The following GMDS variants were observed in gnomAD, a reference collection of about 807,000 sequenced individuals.
GMDS encodes GDP-mannose 4,6 dehydratase.
In GMDS, 20 loss-of-function variants were observed where a neutral mutation model predicts 49.9. The ratio of observed to expected loss-of-function variants is 0.40; its 90% CI spans 0.28 to 0.58. The LOEUF is 0.58. GMDS is among the 20% of genes least tolerant of loss of function. GMDS has a pLI of 0.42. For synonymous variants in GMDS, 177 were observed against 178.6 expected, an observed-to-expected ratio of 0.99 and a Z score of 0.07; for missense variants, 362 against 481.4, an observed-to-expected ratio of 0.75 and a Z score of 2.32.
At chr6:1,657,190 C>A (rs564905865) in intron 9 of GMDS, among the ~76,000 whole-genome samples, 1 of 152,356 alleles carries the variant, frequency 6.6e-6, no homozygotes, top group African/African-American at 2.4e-5. Flanking sequence ...TACTGACAAG[C>A]ATGAAGTCCC....
chr6:1,911,548 C>T lies in GMDS; in HGVS notation c.771+18555G>A, dbSNP rs145818287. Among the ~76,000 whole-genome samples the T allele has an allele frequency of 2.7e-3, 401 of 149,296 alleles. 4 individuals are homozygous for T. The highest frequency in any genetic ancestry group is 9.3e-3 in the African/African-American group (377 of 40,410). ...TAATTTCCTTGTGCCTGTTCTTTCC[C>T]CTATTAAAAAAAAAAAAAGCCGTGG... On this transcript the variant is annotated intron_variant, in intron 7 of 10. Transcript: ENST00000380815.
intron 7 of GMDS, among the ~76,000 whole-genome samples, chr6:1,748,256 C>T (rs532239609): frequency 2.0e-5 from 3 of 152,228 alleles, no homozygotes; most frequent in East Asian, 3.9e-4. Flanking sequence ...TTTCAATTTG[C>T]AGATTCTAGT....
chr6:2,155,005 A>G (rs1562103616), intron 1 of GMDS, among the ~76,000 whole-genome samples: 3 of 152,118 alleles, frequency 2.0e-5, no homozygotes, highest in Non-Finnish European at 2.9e-5. Context: ...TTCAACCTTT[A>G]AAGAGGCTGA....
chr6:2,196,892 G>A (rs1779294621), intron 1 of GMDS, among the ~76,000 whole-genome samples: 1 of 152,140 alleles, frequency 6.6e-6, no homozygotes, highest in South Asian at 2.1e-4. Flanking sequence ...CCTAACAGCT[G>A]GAGTGCATTA....
At chr6:1,891,805 T>G (rs9392342) in intron 7 of GMDS, among the ~76,000 whole-genome samples, 1 of 152,008 alleles carries the variant, frequency 6.6e-6, no homozygotes, top group Admixed American at 6.5e-5. Flanking sequence ...GTCATTCCTA[T>G]GCACACTAGA....
chr6:1,786,107 G>A (rs1273591834), intron 7 of GMDS, among the ~76,000 whole-genome samples: 1 of 152,228 alleles, frequency 6.6e-6, no homozygotes, highest in African/African-American at 2.4e-5. Flanking sequence ...ATTTGGAGAC[G>A]GTGAAGGTCT....
chr6:1,706,581 C>A (rs139825084), intron 9 of GMDS, among the ~76,000 whole-genome samples: 1 of 152,182 alleles, frequency 6.6e-6, no homozygotes, highest in South Asian at 2.1e-4. Context: ...CACAAACCAG[C>A]GGAGGAGAAC....
chr6:1,940,189 G>GCATACATA (rs936836201), intron 6 of GMDS, among the ~76,000 whole-genome samples: 1 of 152,164 alleles, frequency 6.6e-6, no homozygotes, highest in Non-Finnish European at 1.5e-5. Flanking sequence ...ATGCATGCAT[G>GCATACATA]CATACATACA....
At chr6:1,994,156 T>C (rs909633624) in intron 4 of GMDS, among the ~76,000 whole-genome samples, 1 of 152,258 alleles carries the variant, frequency 6.6e-6, no homozygotes, top group Non-Finnish European at 1.5e-5. Flanking sequence ...TACTTAGATG[T>C]GGCTCCCAAG....
chr6:1,658,676 A>C (rs6934205), intron 9 of GMDS, among the ~76,000 whole-genome samples: 19,672 of 152,334 alleles, frequency 0.13, 1,708 homozygotes, highest in Non-Finnish European at 0.18. Flanking sequence ...ATTTGGAATT[A>C]TTTGTCTCAA....
intron 1 of GMDS, among the ~76,000 whole-genome samples, chr6:2,236,756 A>G (rs1233123466): frequency 6.6e-6 from 1 of 152,252 alleles, no homozygotes; most frequent in Non-Finnish European, 1.5e-5. Flanking sequence ...AAGATTTCTA[A>G]AAGTGCCAAT....
chr6:2,231,077 C>G (rs1781085440), intron 1 of GMDS, among the ~76,000 whole-genome samples: 2 of 151,666 alleles, frequency 1.3e-5, no homozygotes, highest in Non-Finnish European at 2.9e-5. Flanking sequence ...TGTCACCACC[C>G]AGAAGGTCCC....
intron 7 of GMDS, among the ~76,000 whole-genome samples, chr6:1,848,496 C>G (rs1321706666): frequency 6.6e-6 from 1 of 152,202 alleles, no homozygotes; most frequent in Non-Finnish European, 1.5e-5. Flanking sequence ...ATTGACTACT[C>G]TCTGTCTTGG....
chr6:1,740,331 C>A (rs1310962801), intron 8 of GMDS, among the ~76,000 whole-genome samples: 1 of 151,898 alleles, frequency 6.6e-6, no homozygotes, highest in African/African-American at 2.4e-5. Context: ...CCGAGGTGGG[C>A]GGATCACTTG....
chr6:2,054,265 A>G (rs1158520928), intron 4 of GMDS, among the ~76,000 whole-genome samples: 1 of 152,118 alleles, frequency 6.6e-6, no homozygotes, highest in African/African-American at 2.4e-5. Flanking sequence ...TAAAAGACCT[A>G]TTTTTAAATT....
Position 2,166,122 on chromosome 6 carries a change from C to A in GMDS, c.103-41391G>T, listed in dbSNP as rs546389055. On this transcript the variant is annotated intron_variant, in intron 1 of 10. Coordinates refer to ENST00000380815, the MANE Select transcript of GMDS (RefSeq NM_001500.4). Reference sequence around the variant, plus strand: ...AAAAAAGAAGCAAGAAAACAGAGAACGTGAGCATTCACGTTAACACTCGCA... The same window carrying A: ...AAAAAAGAAGCAAGAAAACAGAGAAAGTGAGCATTCACGTTAACACTCGCA... Among the ~76,000 whole-genome samples the A allele has an allele frequency of 2.2e-4, 34 of 152,260 alleles. 1 individual carries two copies. The South Asian group carries it at 2.3e-3, about 10-fold the overall frequency.
chr6:2,054,900 T>C (rs1345848746), intron 4 of GMDS, among the ~76,000 whole-genome samples: 4 of 152,014 alleles, frequency 2.6e-5, no homozygotes, highest in Non-Finnish European at 5.9e-5. Flanking sequence ...GATGTTGAAA[T>C]TAGCAGAGAA....
intron 9 of GMDS, among the ~76,000 whole-genome samples, chr6:1,721,765 A>G (rs768347562): frequency 1.6e-4 from 24 of 152,186 alleles, no homozygotes; most frequent in Non-Finnish European, 2.9e-5. Context: ...AAATTCTCAC[A>G]TAAGAAGACG....
chr6:2,093,990 A>C (rs1773458621), intron 4 of GMDS, among the ~76,000 whole-genome samples: 1 of 152,224 alleles, frequency 6.6e-6, no homozygotes, highest in South Asian at 2.1e-4. Context: ...TTGAAGCCTC[A>C]ATGAAGTTCT....
Sources: allele counts gnomAD v4.1 joint callset (sites outside exome capture counted in the v4.1 genomes callset), GRCh38; gene constraint gnomAD v4.1.1; transcripts MANE v1.5; gene names NCBI Gene and HGNC (gene_info 2026-07-23, HGNC 2026-07-21).